The following TRHDE variants were observed in gnomAD, a reference collection of about 807,000 sequenced individuals.
TRHDE encodes thyrotropin releasing hormone degrading enzyme, also known as thyrotropin-releasing hormone-degrading ectoenzyme.
Under a neutral mutation model 125.7 loss-of-function variants are expected in TRHDE, and 72 were observed. The observed-to-expected ratio is 0.57, with a 90% CI of 0.47 to 0.70. TRHDE has a LOEUF of 0.70. Among genes scored for constraint, TRHDE ranks in the 30% least tolerant of loss-of-function variants. The pLI is 0.00. For missense variants in TRHDE, 1,110 were observed against 1,327.1 expected, an observed-to-expected ratio of 0.84 and a Z score of 2.54; for synonymous variants, 509 against 509.1, an observed-to-expected ratio of 1.00 and a Z score of 0.00.
chr12:72,513,070 A>G (rs1368004140), intron 6 of TRHDE, among the ~76,000 whole-genome samples: 14 of 152,160 alleles, frequency 9.2e-5, no homozygotes, highest in Admixed American at 8.5e-4. Flanking sequence ...AAACATCTTC[A>G]AAAGCCCTAT....
At chr12:72,464,889 A>G (rs1438993833) in intron 3 of TRHDE, among the ~76,000 whole-genome samples, 1 of 152,178 alleles carries the variant, frequency 6.6e-6, no homozygotes, top group African/African-American at 2.4e-5. Flanking sequence ...ATTTTTGTTA[A>G]TTTATGTTAT....
chr12:72,408,704 G>A (rs893284463), intron 3 of TRHDE, among the ~76,000 whole-genome samples: 8 of 152,046 alleles, frequency 5.3e-5, no homozygotes, highest in African/African-American at 1.9e-4. Flanking sequence ...TAGAAGACTG[G>A]ACAAACCAAA....
chr12:72,360,775 G>A (rs192744233), intron 2 of TRHDE, among the ~76,000 whole-genome samples: 1 of 151,800 alleles, frequency 6.6e-6, no homozygotes, highest in African/African-American at 2.4e-5. Context: ...AGGAGGGATG[G>A]GAATCGGATG....
At chr12:72,187,506 T>TGGGGGA (rs1233283631) in intron 2 of TRHDE, among the ~76,000 whole-genome samples, 1 of 132,296 alleles carries the variant, frequency 7.6e-6, no homozygotes, top group African/African-American at 2.9e-5. Context: ...GTGGTGGTGG[T>TGGGGGA]GGAGGAGGAG....
intron 2 of TRHDE, among the ~76,000 whole-genome samples, chr12:72,141,176 C>A (rs1876103357): frequency 1.3e-5 from 2 of 152,092 alleles, no homozygotes; most frequent in South Asian, 4.1e-4. Flanking sequence ...TGAGGTGAGT[C>A]TTGAGCAGGC....
intron 12 of TRHDE, among the ~76,000 whole-genome samples, chr12:72,591,621 T>A (rs1871684126): frequency 6.9e-6 from 1 of 144,928 alleles, no homozygotes; most frequent in Admixed American, 6.8e-5. Flanking sequence ...CATCAATTTC[T>A]AAGGATATGG....
chr12:72,621,606 C>T, intron 14 of TRHDE, 38 bp from the exon 15 acceptor site: 1 of 1,472,818 alleles, frequency 6.8e-7, no homozygotes. Context: ...ATTTCCCTAA[C>T]TTTCTTTTTA....
At chr12:72,266,018 A>G (rs947522870) in intron 2 of TRHDE, among the ~76,000 whole-genome samples, 1 of 152,050 alleles carries the variant, frequency 6.6e-6, no homozygotes, top group Non-Finnish European at 1.5e-5. Flanking sequence ...ATTCAAGAAA[A>G]TACTGTAATT....
At chr12:72,618,856 C>G in intron 12 of TRHDE, 35 bp from the exon 13 acceptor site, 1 of 1,429,284 alleles carries the variant, frequency 7.0e-7, no homozygotes, top group Non-Finnish European at 9.2e-7. Context: ...TTCGTTTGTG[C>G]ATCATCATGT....
At chr12:72,469,940 A>C in intron 4 of TRHDE, 28 bp downstream of exon 4, 1 of 1,603,750 alleles carries the variant, frequency 6.2e-7, no homozygotes, top group Non-Finnish European at 8.5e-7. Context: ...AGGTGTAAGT[A>C]TAATGTGAAA....
chr12:72,247,580 T>G (rs1275701944), intron 2 of TRHDE, among the ~76,000 whole-genome samples: 1 of 152,238 alleles, frequency 6.6e-6, no homozygotes, highest in East Asian at 1.9e-4. Flanking sequence ...GTTATTTTAA[T>G]GTGCAGCTGG....
chr12:72,414,420 T>C (rs961318883), intron 3 of TRHDE, among the ~76,000 whole-genome samples: 3 of 152,028 alleles, frequency 2.0e-5, no homozygotes, highest in African/African-American at 7.2e-5. Context: ...CTTCTTTACA[T>C]AGAATTAGAA....
At chr12:72,206,654 T>A (rs1877671905) in intron 2 of TRHDE, among the ~76,000 whole-genome samples, 1 of 152,204 alleles carries the variant, frequency 6.6e-6, no homozygotes, top group African/African-American at 2.4e-5. Context: ...AAATATGGAC[T>A]GTGTTTCATT....
At chr12:72,491,322 T>G (rs1358816793) in intron 5 of TRHDE, among the ~76,000 whole-genome samples, 1 of 151,852 alleles carries the variant, frequency 6.6e-6, no homozygotes, top group African/African-American at 2.4e-5. Flanking sequence ...ATTATTACTG[T>G]GATTGACATT....
At chr12:72,445,075 A>G (rs569641476) in intron 3 of TRHDE, among the ~76,000 whole-genome samples, 3 of 151,894 alleles carry the variant, frequency 2.0e-5, no homozygotes, top group South Asian at 4.2e-4. Flanking sequence ...CGTCTTAACA[A>G]GTGATTATTT....
intron 2 of TRHDE, among the ~76,000 whole-genome samples, chr12:72,169,484 C>T (rs776449160): frequency 3.9e-5 from 6 of 152,060 alleles, no homozygotes; most frequent in South Asian, 2.1e-4. Context: ...AGCCTTTCTT[C>T]CTGGCTGGTA....
chr12:72,416,404 C>A (rs1461256574), intron 3 of TRHDE, among the ~76,000 whole-genome samples: 1 of 151,852 alleles, frequency 6.6e-6, no homozygotes, highest in Non-Finnish European at 1.5e-5. Flanking sequence ...TATGTGACCC[C>A]ATTTTTTGCT....
intron 5 of TRHDE, among the ~76,000 whole-genome samples, chr12:72,491,574 G>A (rs1022391951): frequency 1.1e-4 from 16 of 151,748 alleles, no homozygotes; most frequent in Non-Finnish European, 1.0e-4. Flanking sequence ...CATTCAGCTT[G>A]GATGTTAAAA....
intron 2 of TRHDE, among the ~76,000 whole-genome samples, chr12:72,110,442 C>A (rs989367376): frequency 1.3e-5 from 2 of 151,858 alleles, no homozygotes; most frequent in Non-Finnish European, 2.9e-5. Context: ...AATTGCCCCA[C>A]ATTTCTTCTC....
Sources: gnomAD v4.1 joint callset for allele counts (sites outside exome capture counted in the v4.1 genomes callset) on GRCh38, gnomAD v4.1.1 for gene constraint, MANE v1.5 for transcripts, NCBI Gene and HGNC (gene_info 2026-07-23, HGNC 2026-07-21) for gene names.